Variants in LRRC4C observed in about 807,000 individuals in gnomAD.
LRRC4C encodes the protein leucine rich repeat containing 4C.
Under a neutral mutation model 33.6 loss-of-function variants are expected in LRRC4C, and 5 were observed. The observed-to-expected ratio is 0.15, with a 90% CI of 0.08 to 0.31. The LOEUF (loss-of-function observed/expected upper bound fraction) is 0.31, where lower values mean the gene tolerates loss of function less well. LRRC4C is among the 10% of genes least tolerant of loss of function. The pLI is 1.00. For synonymous variants in LRRC4C, 329 were observed against 302.0 expected (o/e 1.09, Z -0.93); for missense variants, 560 against 796.7 (o/e 0.70, Z 3.58).
Position 40,554,823 on chromosome 11 carries a change from G to A in LRRC4C, c.-270+93319C>T, listed in dbSNP as rs550944780. On this transcript the variant is annotated intron_variant, in intron 3 of 6. Coordinates refer to ENST00000528697, the MANE Select transcript of LRRC4C (RefSeq NM_001258419.2). ...TGCAAGCTCCGCCTCCCGGGTTCACGCCATTCTCCTGCCTCAGCCTCCCGA... is the reference window on the plus strand; with the variant it reads ...TGCAAGCTCCGCCTCCCGGGTTCACACCATTCTCCTGCCTCAGCCTCCCGA... Among the ~76,000 whole-genome samples, 20 of 131,526 alleles carry A rather than the reference G, an allele frequency of 1.5e-4. 1 individual carries two copies. Among genetic ancestry groups the A allele is most frequent in the African/African-American group, 5.2e-4 (16 of 30,730 alleles). The allele number at this position is 131,526 out of a possible 152,430, so 86.3% of individuals were successfully genotyped here.
chr11:40,766,993 G>A (rs1429751414), intron 2 of LRRC4C, among the ~76,000 whole-genome samples: 1 of 150,872 alleles, frequency 6.6e-6, no homozygotes, highest in Admixed American at 6.6e-5. Context: ...AATGTAAATG[G>A]ACTAAACTCT....
At chr11:40,951,809 ACAGT>A (rs1490271390) in intron 1 of LRRC4C, among the ~76,000 whole-genome samples, 1 of 151,970 alleles carries the variant, frequency 6.6e-6, no homozygotes, top group Non-Finnish European at 1.5e-5. Flanking sequence ...GTAATAAAAT[ACAGT>A]CAGTCACTTT....
At chr11:41,196,553 A>T (rs2136236705) in intron 1 of LRRC4C, among the ~76,000 whole-genome samples, 1 of 152,230 alleles carries the variant, frequency 6.6e-6, no homozygotes, top group Non-Finnish European at 1.5e-5. Context: ...TTGATCACTG[A>T]TAGTTACCAA....
chr11:40,818,994 C>A (rs952323960), intron 2 of LRRC4C, among the ~76,000 whole-genome samples: 1 of 152,010 alleles, frequency 6.6e-6, no homozygotes, highest in African/African-American at 2.4e-5. Context: ...TATCCTGAAC[C>A]AATGACACTG....
intron 5 of LRRC4C, among the ~76,000 whole-genome samples, chr11:40,184,339 C>T (rs917953219): frequency 1.3e-5 from 2 of 152,122 alleles, no homozygotes; most frequent in Non-Finnish European, 2.9e-5. Flanking sequence ...AAATAAGTCT[C>T]CTTCTAATAC....
intron 2 of LRRC4C, among the ~76,000 whole-genome samples, chr11:40,707,729 T>C (rs1946240982): frequency 6.6e-6 from 1 of 152,198 alleles, no homozygotes; most frequent in African/African-American, 2.4e-5. Context: ...CCTCATAAAA[T>C]GAGTTAGGGA....
chr11:41,001,289 T>C (rs1854357301), intron 1 of LRRC4C, among the ~76,000 whole-genome samples: 1 of 152,128 alleles, frequency 6.6e-6, no homozygotes, highest in Non-Finnish European at 1.5e-5. Flanking sequence ...CAGTGAAGGA[T>C]TCCTCAGAAA....
At chr11:41,426,583 CA>C (rs1955050924) in intron 1 of LRRC4C, 1 of 152,190 alleles carries the variant, frequency 6.6e-6, no homozygotes, top group African/African-American at 2.4e-5. Flanking sequence ...CCTCTAAAAA[CA>C]AGCAGACTCA....
rs1373798708 is a variant in LRRC4C, at chr11:41,350,488, C to T, written c.-496+108943G>A. 1.0e-3 allele frequency among the ~76,000 whole-genome samples: 130 copies of T among 124,746 alleles called. 1 individual carries two copies. The highest frequency in any genetic ancestry group is 3.6e-3 in the African/African-American group (118 of 32,372). The allele number at this position is 124,746 out of a possible 152,430, so 81.8% of individuals were successfully genotyped here. The stretch of plus-strand genomic sequence containing the variant: ...TTGCGCCACTGCACTCCAGCCTGGG[C>T]GACAGAGCAAGACTCCATCTCAAAA... On this transcript the variant is annotated intron_variant, in intron 1 of 6. Transcript: ENST00000528697.
chr11:40,359,509 A>G (rs139643734), intron 3 of LRRC4C, among the ~76,000 whole-genome samples: 36 of 152,278 alleles, frequency 2.4e-4, no homozygotes, highest in African/African-American at 7.9e-4. Context: ...TTTAGTTGGG[A>G]TGTGTATACA....
chr11:41,075,906 C>T (rs934570152), intron 1 of LRRC4C, among the ~76,000 whole-genome samples: 18 of 152,160 alleles, frequency 1.2e-4, no homozygotes, highest in African/African-American at 3.9e-4. Flanking sequence ...ATAAATCCTT[C>T]TAATCTTCTT....
Position 40,954,606 on chromosome 11 carries a change from A to T in LRRC4C, c.-495-20883T>A, listed in dbSNP as rs549658546. Among the ~76,000 whole-genome samples, 24 of 152,002 alleles carry T rather than the reference A, an allele frequency of 1.6e-4. No homozygotes were observed. In the South Asian group the frequency reaches 1.9e-3, roughly 12 times the overall value. On this transcript the variant is annotated intron_variant, in intron 1 of 6. Transcript: ENST00000528697. ...TAATTTCTAATTCAAGTGAGACCAT[A>T]TAAAGTATGGTTAATCTGGCCTCAT...
intron 1 of LRRC4C, among the ~76,000 whole-genome samples, chr11:41,211,378 T>C (rs907544269): frequency 3.3e-5 from 5 of 152,112 alleles, no homozygotes; most frequent in Non-Finnish European, 5.9e-5. Flanking sequence ...TGTGCACAAC[T>C]TGCAGGTTTG....
chr11:40,460,397 T>A (rs1590809688), intron 3 of LRRC4C, among the ~76,000 whole-genome samples: 1 of 152,112 alleles, frequency 6.6e-6, no homozygotes, highest in Admixed American at 6.5e-5. Context: ...AAACATGGCA[T>A]GACTGCAGAT....
chr11:41,107,794 C>T (rs984810368), intron 1 of LRRC4C, among the ~76,000 whole-genome samples: 4 of 151,988 alleles, frequency 2.6e-5, no homozygotes, highest in African/African-American at 4.8e-5. Context: ...AAAAATTAGC[C>T]ATGTGTGTTG....
chr11:41,312,107 T>C (rs1321477226), intron 1 of LRRC4C, among the ~76,000 whole-genome samples: 1 of 152,224 alleles, frequency 6.6e-6, no homozygotes, highest in Non-Finnish European at 1.5e-5. Flanking sequence ...TTTTTCCTCT[T>C]TTTTGACAAA....
chr11:40,913,737 C>CA (rs1376718868), intron 2 of LRRC4C, among the ~76,000 whole-genome samples: 47 of 152,148 alleles, frequency 3.1e-4, no homozygotes, highest in African/African-American at 1.0e-3. Flanking sequence ...AAAAACCCTT[C>CA]AAAAAATCAG....
At chr11:40,588,783 A>G (rs1031309794) in intron 3 of LRRC4C, among the ~76,000 whole-genome samples, 12 of 152,198 alleles carry the variant, frequency 7.9e-5, no homozygotes, top group African/African-American at 2.2e-4. Context: ...GTAGTTGAGC[A>G]GTTTTGAGTG....
intron 1 of LRRC4C, among the ~76,000 whole-genome samples, chr11:41,288,333 C>T (rs973626048): frequency 3.3e-5 from 5 of 152,106 alleles, no homozygotes; most frequent in African/African-American, 7.2e-5. Flanking sequence ...AAAATAATGT[C>T]CTTGTAGATC....
Sources: gnomAD v4.1 joint callset for allele counts (sites outside exome capture counted in the v4.1 genomes callset) on GRCh38, gnomAD v4.1.1 for gene constraint, MANE v1.5 for transcripts, NCBI Gene and HGNC (gene_info 2026-07-23, HGNC 2026-07-21) for gene names.